DNAH9: variants seen among roughly 807,000 people sequenced by gnomAD.
The protein encoded by DNAH9 is dynein axonemal heavy chain 9.
In DNAH9, 345 loss-of-function variants were observed where a neutral mutation model predicts 471.6. The observed-to-expected ratio is 0.73, with a 90% CI of 0.67 to 0.80. The LOEUF (loss-of-function observed/expected upper bound fraction) is 0.80. Ranked by LOEUF, DNAH9 falls within the 30% of genes least tolerant of loss-of-function variation. DNAH9 has a pLI of 0.00. For synonymous variants in DNAH9, 2,093 were observed against 2,123.6 expected, an observed-to-expected ratio of 0.99 and a Z score of 0.40; for missense variants, 5,407 against 5,609.2, an observed-to-expected ratio of 0.96 and a Z score of 1.15.
At chr17:11,773,136 A>G (rs1220838513) in intron 38 of DNAH9, among the ~76,000 whole-genome samples, 1 of 152,224 alleles carries the variant, frequency 6.6e-6, no homozygotes, top group Non-Finnish European at 1.5e-5. Context: ...GTATCATTCA[A>G]TGAAGAGGCA....
At chr17:11,605,476 TCTGTTGTTGTTGTTGTTG>T (rs1379951161) in intron 1 of DNAH9, among the ~76,000 whole-genome samples, 4 of 151,022 alleles carry the variant, frequency 2.6e-5, no homozygotes, top group Non-Finnish European at 2.9e-5. Flanking sequence ...AGCTTTTTGG[TCTGTTGTTGTTGTTGTTG>T]TTGTTGTTGT....
chr17:11,698,182 T>TATGAATAATATATTAATTATA (rs369729599), intron 22 of DNAH9, among the ~76,000 whole-genome samples: 1 of 120,350 alleles, frequency 8.3e-6, no homozygotes, highest in Non-Finnish European at 1.6e-5. Context: ...TAATATATTA[T>TATGAATAATATATTAATTATA]TATATTAATA....
intron 6 of DNAH9, among the ~76,000 whole-genome samples, chr17:11,622,061 G>A (rs1203740547): frequency 6.6e-6 from 1 of 151,042 alleles, no homozygotes; most frequent in Admixed American, 6.6e-5. Context: ...ACTCCAGCCT[G>A]GGGACAGAGC....
At position 11,902,847 on chromosome 17, in the gene DNAH9, G is replaced by A. The variant is rs200977350; in HGVS notation, c.11535G>A (p.Lys3845=). The change falls in exon 60 of 69, where the codon AAG becomes AAA. Residue 3845 remains lysine (K), a synonymous_variant. Transcript: ENST00000262442. ...KEKLPQEWKN[K]TALQRLCMLR... ...AGCTCCCACAGGAGTGGAAGAACAAGACAGCCCTGCAGCGCCTCTGCATGC... is the reference window on the plus strand; with the variant it reads ...AGCTCCCACAGGAGTGGAAGAACAAAACAGCCCTGCAGCGCCTCTGCATGC... 5 of 1,613,980 alleles carry A rather than the reference G, an allele frequency of 3.1e-6. No individual in the cohort carries two copies. The East Asian group carries it at 6.7e-5, about 22-fold the overall frequency.
At chr17:11,863,006 C>A (rs1023712681) in intron 50 of DNAH9, among the ~76,000 whole-genome samples, 2 of 152,188 alleles carry the variant, frequency 1.3e-5, no homozygotes, top group South Asian at 4.2e-4. Flanking sequence ...ATTGAATACC[C>A]TTTATTTCCT....
chr17:11,648,851 C>A (rs1289141803), intron 12 of DNAH9, among the ~76,000 whole-genome samples: 1 of 152,040 alleles, frequency 6.6e-6, no homozygotes, highest in Non-Finnish European at 1.5e-5. Context: ...CAGGGCCGGG[C>A]GTGGTGGCTC....
At chr17:11,762,778 T>TGG (rs796830222) in intron 35 of DNAH9, among the ~76,000 whole-genome samples, 1 of 98,046 alleles carries the variant, frequency 1.0e-5, no homozygotes, top group African/African-American at 3.4e-5. Context: ...TTGTTTTTTT[T>TGG]TTTTTTTTTT....
chr17:11,964,334 G>C (rs1485056101), intron 68 of DNAH9, among the ~76,000 whole-genome samples: 1 of 152,074 alleles, frequency 6.6e-6, no homozygotes, highest in Non-Finnish European at 1.5e-5. Context: ...AGTACCAAAA[G>C]GAAAGTAGGC....
intron 28 of DNAH9, 61 bp downstream of exon 28, chr17:11,727,983 T>C (rs895208597): frequency 3.7e-6 from 4 of 1,082,502 alleles, no homozygotes; most frequent in Non-Finnish European, 5.7e-6. Flanking sequence ...CGGAAGTCTA[T>C]GTCCTCTTGT....
chr17:11,953,673 G>A (rs143670297), intron 67 of DNAH9, among the ~76,000 whole-genome samples: 6,016 of 150,988 alleles, frequency 0.04, 398 homozygotes, highest in African/African-American at 0.14. Context: ...TTAGCCAGGC[G>A]TGGTGGCAGG....
intron 20 of DNAH9, among the ~76,000 whole-genome samples, chr17:11,693,237 C>CTTTTTTTT (rs776422086): frequency 2.6e-5 from 2 of 77,438 alleles, no homozygotes; most frequent in Non-Finnish European, 4.7e-5. Context: ...TTAAAATGCC[C>CTTTTTTTT]TTTTTTTTTT....
intron 27 of DNAH9, among the ~76,000 whole-genome samples, chr17:11,722,709 G>T (rs140381770): frequency 1.2e-3 from 180 of 152,280 alleles, no homozygotes; most frequent in African/African-American, 4.0e-3. Flanking sequence ...ACAGCGCAAA[G>T]ACTTGAAGCA....
chr17:11,605,790 C>A (rs2072492342), intron 1 of DNAH9, among the ~76,000 whole-genome samples: 1 of 152,014 alleles, frequency 6.6e-6, no homozygotes, highest in African/African-American at 2.4e-5. Flanking sequence ...GCGTGAGCCA[C>A]CGCACCTGGC....
intron 28 of DNAH9, among the ~76,000 whole-genome samples, chr17:11,732,990 G>A (rs999922740): frequency 9.9e-5 from 15 of 152,180 alleles, no homozygotes; most frequent in African/African-American, 3.4e-4. Flanking sequence ...TCAGAGCCGA[G>A]GGAGCTTCCC....
intron 45 of DNAH9, among the ~76,000 whole-genome samples, chr17:11,814,566 C>T (rs987112652): frequency 2.0e-5 from 3 of 152,190 alleles, no homozygotes; most frequent in Non-Finnish European, 4.4e-5. Context: ...AGTGTGCATG[C>T]TCAGTCACTA....
At chr17:11,880,239 TG>T (rs749417638) in intron 54 of DNAH9, 39 bp downstream of exon 54, 1 of 1,607,032 alleles carries the variant, frequency 6.2e-7, no homozygotes, top group Non-Finnish European at 8.5e-7. Flanking sequence ...CGGGGGGAGC[TG>T]GTTCATGGCC....
chr17:11,853,656 TAAC>T (rs1735691557), intron 49 of DNAH9, among the ~76,000 whole-genome samples: 1 of 152,218 alleles, frequency 6.6e-6, no homozygotes, highest in Non-Finnish European at 1.5e-5. Flanking sequence ...TAATTTATAA[TAAC>T]CTTATCTTTT....
intron 49 of DNAH9, among the ~76,000 whole-genome samples, chr17:11,853,652 A>G (rs1353582661): frequency 6.6e-6 from 1 of 152,246 alleles, no homozygotes; most frequent in Non-Finnish European, 1.5e-5. Flanking sequence ...AAATTAATTT[A>G]TAATAACCTT....
Position 11,883,648 on chromosome 17 carries a change from T to A in DNAH9, c.10869T>A (p.Leu3623=), listed in dbSNP as rs749500519. ...CCCTGAAAACGTTGGAAGACAGTCT[T>A]CTCTCTCGCCTCTCCTCCGCCTCTG... ...KITLKTLEDS[L]LSRLSSASGN... is the part of the protein sequence containing the mutation. Residue 3623 remains leucine, a synonymous_variant, in exon 56 of 69, where the codon CTT becomes CTA. Coordinates refer to ENST00000262442, the MANE Select transcript of DNAH9 (RefSeq NM_001372.4). 13 of 1,614,092 alleles carry A rather than the reference T, an allele frequency of 8.1e-6. No individual in the cohort carries two copies. The highest frequency in any genetic ancestry group is 1.1e-5 in the Non-Finnish European group (13 of 1,180,006).
Sources: allele counts gnomAD v4.1 joint callset (sites outside exome capture counted in the v4.1 genomes callset), GRCh38; gene constraint gnomAD v4.1.1; transcripts MANE v1.5; gene names NCBI Gene and HGNC (gene_info 2026-07-23, HGNC 2026-07-21).